RPS6KA5: variants seen among roughly 807,000 people sequenced by gnomAD.
RPS6KA5 encodes ribosomal protein S6 kinase A5, also known as ribosomal protein S6 kinase alpha-5.
RPS6KA5 carries 27 observed loss-of-function variants against 85.5 expected under a neutral mutation model. That is an observed-to-expected ratio of 0.32 (90% confidence interval 0.23 to 0.44). The LOEUF is 0.44. Ranked by LOEUF, RPS6KA5 falls within the 20% of genes least tolerant of loss-of-function variation. The pLI is 1.00. For missense variants in RPS6KA5, 811 were observed against 980.9 expected (o/e 0.83, Z 2.31); for synonymous variants, 334 against 348.2 (o/e 0.96, Z 0.46).
At chr14:90,903,643 T>C (rs1164170368) in intron 8 of RPS6KA5, among the ~76,000 whole-genome samples, 3 of 152,230 alleles carry the variant, frequency 2.0e-5, no homozygotes, top group East Asian at 1.9e-4. Context: ...CTGAGTTATA[T>C]TACTGAAATC....
At chr14:91,000,404 C>CT (rs1208585436) in intron 2 of RPS6KA5, among the ~76,000 whole-genome samples, 1 of 152,180 alleles carries the variant, frequency 6.6e-6, no homozygotes, top group Non-Finnish European at 1.5e-5. Context: ...TGAGTATCAA[C>CT]TGAGTTGAAC....
intron 7 of RPS6KA5, among the ~76,000 whole-genome samples, chr14:90,916,346 G>C (rs1451801643): frequency 6.6e-6 from 1 of 152,072 alleles, no homozygotes; most frequent in Non-Finnish European, 1.5e-5. Context: ...AGCATATTTT[G>C]AAATTTGATA....
At chr14:90,890,130 C>A (rs2034468736) in intron 14 of RPS6KA5, among the ~76,000 whole-genome samples, 1 of 152,110 alleles carries the variant, frequency 6.6e-6, no homozygotes, top group African/African-American at 2.4e-5. Context: ...TCTGAAACTT[C>A]ACAGAAGTTT....
chr14:90,892,853 C>A (rs1361023590), intron 13 of RPS6KA5, among the ~76,000 whole-genome samples: 1 of 152,140 alleles, frequency 6.6e-6, no homozygotes, highest in Non-Finnish European at 1.5e-5. Flanking sequence ...TTTCATTTCT[C>A]CAAAATCTAG....
intron 9 of RPS6KA5, among the ~76,000 whole-genome samples, chr14:90,901,371 C>A (rs1050919978): frequency 1.3e-5 from 2 of 152,152 alleles, no homozygotes; most frequent in Non-Finnish European, 2.9e-5. Context: ...AGCCACCAGA[C>A]CCAGCCACAA....
chr14:90,933,776 T>C (rs373294143), intron 5 of RPS6KA5, among the ~76,000 whole-genome samples: 2 of 152,220 alleles, frequency 1.3e-5, no homozygotes, highest in East Asian at 3.8e-4. Context: ...CCTTCTTCCA[T>C]ATGATCACCT....
chr14:90,905,053 G>C (rs997167111), intron 8 of RPS6KA5, among the ~76,000 whole-genome samples: 6 of 152,142 alleles, frequency 3.9e-5, no homozygotes, highest in Non-Finnish European at 8.8e-5. Context: ...AATGCATATA[G>C]TGAGAAGTTT....
Position 90,849,940 on chromosome 14 carries a change from AATCCC to A in RPS6KA5, c.*22129_*22133del, listed in dbSNP as rs1239977488. The A allele has an allele frequency of 1.3e-5, 2 of 152,274 alleles. No individual in the cohort carries two copies. Among genetic ancestry groups the A allele is most frequent in the African/African-American group, 4.8e-5 (2 of 41,442 alleles). 9.4% of individuals were successfully genotyped at this position (152,274 alleles called of 1,614,324 possible). A position where few individuals can be genotyped will look rare whatever the true frequency, so the allele number is the denominator to read the frequency against. On this transcript the variant is annotated 3_prime_UTR_variant, in exon 17 of 17. Transcript: ENST00000614987. Reference sequence around the variant, plus strand: ...GCCGTGCATGGTGGCTCATGCCTGTAATCCCATCACTTTGGGAGGCCCAGGTGGCA... The same window carrying A: ...GCCGTGCATGGTGGCTCATGCCTGTAATCACTTTGGGAGGCCCAGGTGGCA...
At chr14:90,975,672 C>T (rs1295311683) in intron 3 of RPS6KA5, among the ~76,000 whole-genome samples, 1 of 152,168 alleles carries the variant, frequency 6.6e-6, no homozygotes, top group African/African-American at 2.4e-5. Flanking sequence ...GCCACCCAGC[C>T]CTAGCAAACT....
chr14:90,960,531 C>T (rs892073495), intron 3 of RPS6KA5, among the ~76,000 whole-genome samples: 1 of 152,042 alleles, frequency 6.6e-6, no homozygotes, highest in African/African-American at 2.4e-5. Flanking sequence ...CTAAGGAAAA[C>T]CTCCAGAGCT....
chr14:90,880,460 T>C (rs2033762406), intron 14 of RPS6KA5, among the ~76,000 whole-genome samples: 1 of 152,254 alleles, frequency 6.6e-6, no homozygotes, highest in Non-Finnish European at 1.5e-5. Flanking sequence ...ACTTCCTCCC[T>C]TTTCAAGGCT....
chr14:90,959,556 G>C (rs1229556359), intron 3 of RPS6KA5, among the ~76,000 whole-genome samples: 13 of 152,140 alleles, frequency 8.5e-5, no homozygotes, highest in Non-Finnish European at 1.9e-4. Context: ...GAGTAAGGAT[G>C]GGGGAAGAAC....
chr14:90,984,426 T>A (rs985284100), intron 2 of RPS6KA5, among the ~76,000 whole-genome samples: 1 of 152,212 alleles, frequency 6.6e-6, no homozygotes, highest in Non-Finnish European at 1.5e-5. Context: ...GGATCAACTA[T>A]GTAAATTTTT....
chr14:91,001,171 A>G lies in RPS6KA5; in HGVS notation c.104-12T>C. The G allele has an allele frequency of 6.4e-7, 1 of 1,571,090 alleles. No homozygotes were observed. Among genetic ancestry groups the G allele is most frequent in the Non-Finnish European group, 8.7e-7 (1 of 1,153,550 alleles). ...TCCTGTCAAATTAGCTAAAAGAAAAAAAGAGGAAAAAAAAAACAAGAGGGT... is the reference window on the plus strand; with the variant it reads ...TCCTGTCAAATTAGCTAAAAGAAAAGAAGAGGAAAAAAAAAACAAGAGGGT... On this transcript the variant is annotated splice_polypyrimidine_tract_variant and intron_variant, in intron 1 of 16. Coordinates refer to ENST00000614987, the MANE Select transcript of RPS6KA5 (RefSeq NM_004755.4).
chr14:90,980,438 G>C (rs2039742602), intron 2 of RPS6KA5, among the ~76,000 whole-genome samples: 1 of 152,204 alleles, frequency 6.6e-6, no homozygotes, highest in Non-Finnish European at 1.5e-5. Flanking sequence ...TGGCTGTTCA[G>C]CTTCTTCCTA....
At chr14:90,996,716 T>C (rs1287651076) in intron 2 of RPS6KA5, among the ~76,000 whole-genome samples, 2 of 151,860 alleles carry the variant, frequency 1.3e-5, no homozygotes, top group Non-Finnish European at 2.9e-5. Context: ...AAAACTGACA[T>C]TTCTAAAACT....
intron 13 of RPS6KA5, among the ~76,000 whole-genome samples, chr14:90,891,995 G>C (rs949186634): frequency 2.4e-5 from 3 of 124,076 alleles, no homozygotes; most frequent in African/African-American, 9.9e-5. Context: ...CTTGATTTTA[G>C]TTCTTTTTTT....
chr14:90,960,709 A>G (rs1255112346), intron 3 of RPS6KA5, among the ~76,000 whole-genome samples: 1 of 152,248 alleles, frequency 6.6e-6, no homozygotes, highest in African/African-American at 2.4e-5. Flanking sequence ...TCTACCCTGA[A>G]TAACTTTTCT....
At chr14:90,886,345 T>TTA (rs2034226921) in intron 14 of RPS6KA5, among the ~76,000 whole-genome samples, 1 of 152,208 alleles carries the variant, frequency 6.6e-6, no homozygotes, top group East Asian at 1.9e-4. Flanking sequence ...CACAGGTATG[T>TTA]TATATATCTT....
Sources: gnomAD v4.1 joint callset for allele counts (sites outside exome capture counted in the v4.1 genomes callset) on GRCh38, gnomAD v4.1.1 for gene constraint, MANE v1.5 for transcripts, NCBI Gene and HGNC (gene_info 2026-07-23, HGNC 2026-07-21) for gene names.